Variants in WNT2 observed in about 807,000 individuals in gnomAD.
WNT2 encodes protein Wnt-2.
Under a neutral mutation model 36.9 loss-of-function variants are expected in WNT2, and 12 were observed. The ratio of observed to expected loss-of-function variants is 0.33; its 90% CI spans 0.21 to 0.53. The LOEUF (loss-of-function observed/expected upper bound fraction) is 0.53. Among genes scored for constraint, WNT2 ranks in the 20% least tolerant of loss-of-function variants. The pLI, the probability that WNT2 is intolerant of heterozygous loss-of-function variation, is 0.95. For synonymous variants in WNT2, 163 were observed against 174.6 expected (o/e 0.93, Z 0.52); for missense variants, 379 against 473.1 (o/e 0.80, Z 1.84).
intron 3 of WNT2, among the ~76,000 whole-genome samples, chr7:117,303,909 TCTC>T (rs911740084): frequency 1.1e-4 from 16 of 152,272 alleles, no homozygotes; most frequent in Admixed American, 7.8e-4. Context: ...GCTCGTCACT[TCTC>T]CTCATTTACT....
chr7:117,294,919 C>T (rs1364735208), intron 4 of WNT2, among the ~76,000 whole-genome samples: 1 of 151,918 alleles, frequency 6.6e-6, no homozygotes, highest in Non-Finnish European at 1.5e-5. Flanking sequence ...GGTGAAACCC[C>T]GTCTCTACTA....
chr7:117,289,745 T>C (rs1462307116), intron 4 of WNT2, among the ~76,000 whole-genome samples: 1 of 152,198 alleles, frequency 6.6e-6, no homozygotes, highest in Non-Finnish European at 1.5e-5. Context: ...GTGGACTCCA[T>C]TGGTACAGGC....
At chr7:117,289,015 T>C (rs1339928539) in intron 4 of WNT2, among the ~76,000 whole-genome samples, 1 of 150,482 alleles carries the variant, frequency 6.6e-6, no homozygotes, top group Non-Finnish European at 1.5e-5. Context: ...TTAAAAGCGA[T>C]AGATATAGTC....
intron 1 of WNT2, 59 bp from the exon 2 acceptor site, chr7:117,320,852 G>A: frequency 6.9e-7 from 1 of 1,443,412 alleles, no homozygotes; most frequent in Non-Finnish European, 9.5e-7. Flanking sequence ...GCCTGGCTCA[G>A]TGTTCCTGGG....
At chr7:117,316,781 C>T (rs1443177296) in intron 2 of WNT2, among the ~76,000 whole-genome samples, 5 of 152,148 alleles carry the variant, frequency 3.3e-5, no homozygotes, top group Non-Finnish European at 7.4e-5. Flanking sequence ...AATTATATGA[C>T]TATTCGCCAT....
At chr7:117,296,129 G>T (rs913082695) in intron 4 of WNT2, among the ~76,000 whole-genome samples, 1 of 152,164 alleles carries the variant, frequency 6.6e-6, no homozygotes, top group Non-Finnish European at 1.5e-5. Flanking sequence ...ACTGGTAGAG[G>T]GGGGTCAGAC....
At chr7:117,310,433 C>T (rs1280816071) in intron 3 of WNT2, among the ~76,000 whole-genome samples, 1 of 151,662 alleles carries the variant, frequency 6.6e-6, no homozygotes, top group East Asian at 1.9e-4. Flanking sequence ...AGAAACACCC[C>T]AAATTAGTCA....
chr7:117,297,802 C>A lies in WNT2; in HGVS notation c.663G>T (p.Trp221Cys). Reference protein sequence around the residue: ...VSGSCTLRTCWLAMADFRKTG... With the variant: ...VSGSCTLRTCCLAMADFRKTG... ...TTTTCCTGAAGTCGGCCATGGCCAG[C>A]CAGCATGTCCTGAGAGTACATGAGC... The change falls in exon 4 of 5, where the codon TGG becomes TGT. Residue 221 changes from tryptophan (W) to cysteine (C), a missense_variant. By Grantham distance (215) the Trp-to-Cys change is radical. Transcript: ENST00000265441. 6.2e-7 allele frequency: 1 copy of A among 1,614,148 alleles called. No individual in the cohort carries two copies. The highest frequency in any genetic ancestry group is 8.5e-7 in the Non-Finnish European group (1 of 1,180,022).
chr7:117,321,375 C>T (rs886376231), intron 1 of WNT2, among the ~76,000 whole-genome samples: 1 of 152,160 alleles, frequency 6.6e-6, no homozygotes, highest in Non-Finnish European at 1.5e-5. Flanking sequence ...TTTTGTAGCT[C>T]TTTTTGGCTT....
At position 117,320,720 on chromosome 7, in the gene WNT2, GC is replaced by G. The variant is rs1795307835; in HGVS notation, c.156del (p.Gln53SerfsTer9). The G allele has an allele frequency of 6.2e-7, 1 of 1,613,810 alleles. No homozygotes were observed. On this transcript the variant is annotated frameshift_variant, in exon 2 of 5. Coordinates refer to ENST00000265441, the MANE Select transcript of WNT2 (RefSeq NM_003391.3). LOFTEE classifies it high-confidence loss of function. ...ACATCTGGATGTCGGTGACACAGCTGCCGCTGGCTGCTCACCAGGCCTGGCA... is the reference window on the plus strand; with the variant it reads ...ACATCTGGATGTCGGTGACACAGCTGCGCTGGCTGCTCACCAGGCCTGGCA... ...DNVPGLVSSQRQLCHRHPDVM... is the reference protein window; with the variant it reads ...DNVPGLVSSQXQLCHRHPDVM...
At chr7:117,288,897 GTAT>G (rs576036868) in intron 4 of WNT2, among the ~76,000 whole-genome samples, 87 of 152,142 alleles carry the variant, frequency 5.7e-4, no homozygotes, top group African/African-American at 1.8e-3. Flanking sequence ...GATGTGAAAA[GTAT>G]TTTTGCTGTT....
intron 3 of WNT2, among the ~76,000 whole-genome samples, chr7:117,311,988 T>C (rs1471858073): frequency 6.6e-6 from 1 of 152,220 alleles, no homozygotes; most frequent in East Asian, 1.9e-4. Context: ...GAATTCCTCT[T>C]ATTCTTATGG....
intron 4 of WNT2, among the ~76,000 whole-genome samples, chr7:117,285,786 T>C (rs1038645589): frequency 6.6e-6 from 1 of 152,258 alleles, no homozygotes; most frequent in Non-Finnish European, 1.5e-5. Context: ...TTGATTTACA[T>C]AGTTCACCTA....
Position 117,309,197 on chromosome 7 carries a change from T to A in WNT2, c.588+5874A>T, listed in dbSNP as rs564834326. On this transcript the variant is annotated intron_variant, in intron 3 of 4. Coordinates refer to ENST00000265441, the MANE Select transcript of WNT2 (RefSeq NM_003391.3). Reference sequence around the variant, plus strand: ...AGACCCTGTCTCCAAAAAAAAAAAATTTTTTAAGTCTTTATTAGAATTTAG... The same window carrying A: ...AGACCCTGTCTCCAAAAAAAAAAAAATTTTTAAGTCTTTATTAGAATTTAG... Among the ~76,000 whole-genome samples the A allele has an allele frequency of 2.0e-3, 285 of 141,830 alleles. 1 individual carries two copies. Among genetic ancestry groups the A allele is most frequent in the East Asian group, 6.6e-3 (34 of 5,146 alleles). 93.0% of individuals were successfully genotyped at this position (141,830 alleles called of 152,430 possible). A position where few individuals can be genotyped will look rare whatever the true frequency, so the allele number is the denominator to read the frequency against.
chr7:117,315,258 G>T lies in WNT2; in HGVS notation c.401C>A (p.Ser134Tyr), dbSNP rs200287628. 4 of 1,614,054 alleles carry T rather than the reference G, an allele frequency of 2.5e-6. No individual in the cohort carries two copies. Among genetic ancestry groups the T allele is most frequent in the Non-Finnish European group, 3.4e-6 (4 of 1,180,044 alleles). ...TRACSQGEVK[S>Y]CSCDPKKMGS... ...CATCTTCTTTGGATCACAGGAACAG[G>T]ATTTTACTTCTCCTTGGCTACAGGC... Residue 134 changes from serine to tyrosine, a missense_variant, in exon 3 of 5, where the codon TCC (serine) becomes TAC (tyrosine). Ser to Tyr is a moderately radical substitution (Grantham distance 144). Transcript: ENST00000265441.
At chr7:117,303,667 A>G (rs570598045) in intron 3 of WNT2, among the ~76,000 whole-genome samples, 1 of 152,336 alleles carries the variant, frequency 6.6e-6, no homozygotes, top group East Asian at 1.9e-4. Context: ...TTCTGTAACT[A>G]TAAGTAAATT....
intron 3 of WNT2, among the ~76,000 whole-genome samples, chr7:117,310,284 G>T (rs768626411): frequency 3.9e-5 from 6 of 152,082 alleles, no homozygotes; most frequent in Non-Finnish European, 7.4e-5. Context: ...GACTCTCCAG[G>T]CTGGGTGCCG....
intron 2 of WNT2, 78 bp downstream of exon 2, chr7:117,320,489 G>T: frequency 2.2e-6 from 3 of 1,361,636 alleles, no homozygotes; most frequent in Non-Finnish European, 3.1e-6. Context: ...TAGAAGATAA[G>T]CAGGGTCTTT....
At position 117,278,189 on chromosome 7, in the gene WNT2, G is replaced by T. The variant is rs1471763437; in HGVS notation, c.1049C>A (p.Ala350Asp). The change falls in exon 5 of 5, where the codon GCC becomes GAC. Residue 350 changes from alanine (A) to aspartate (D), a missense_variant. Coordinates refer to ENST00000265441, the MANE Select transcript of WNT2 (RefSeq NM_003391.3). ...LEALDVHTCKAPKNADWTTAT is the reference protein window; with the variant it reads ...LEALDVHTCKDPKNADWTTAT ...GGTTGTCCAGTCAGCGTTCTTGGGG[G>T]CCTTGCATGTGTGCACATCCAGAGC... 3 of 1,614,092 alleles carry T rather than the reference G, an allele frequency of 1.9e-6. No homozygotes were observed. The highest frequency in any genetic ancestry group is 1.1e-5 in the South Asian group (1 of 91,092).
Sources: gnomAD v4.1 joint callset for allele counts (sites outside exome capture counted in the v4.1 genomes callset) on GRCh38, gnomAD v4.1.1 for gene constraint, MANE v1.5 for transcripts, NCBI Gene and HGNC (gene_info 2026-07-23, HGNC 2026-07-21) for gene names.